The following CYFIP1 variants were observed in gnomAD, a reference collection of about 807,000 sequenced individuals.
CYFIP1 encodes the protein cytoplasmic FMR1 interacting protein 1, also known as cytoplasmic FMR1-interacting protein 1.
CYFIP1 carries 58 observed loss-of-function variants against 163.5 expected under a neutral mutation model. The observed-to-expected ratio is 0.35, with a 90% CI of 0.29 to 0.44. The LOEUF (loss-of-function observed/expected upper bound fraction) is 0.44, where lower values mean the gene tolerates loss of function less well. Ranked by LOEUF, CYFIP1 falls within the 20% of genes least tolerant of loss-of-function variation. CYFIP1 has a pLI of 1.00. For synonymous variants in CYFIP1, 663 were observed against 660.7 expected, an observed-to-expected ratio of 1.00 and a Z score of -0.05; for missense variants, 1,338 against 1,653.8, an observed-to-expected ratio of 0.81 and a Z score of 3.31.
At chr15:22,882,443 G>A (rs552710529) in intron 24 of CYFIP1, among the ~76,000 whole-genome samples, 14 of 152,332 alleles carry the variant, frequency 9.2e-5, no homozygotes, top group African/African-American at 3.4e-4. Context: ...CTCTTACATG[G>A]TCTCAAGTCA....
At chr15:22,873,439 C>T (rs1386176476) in intron 29 of CYFIP1, 52 bp downstream of exon 29, 5 of 1,492,734 alleles carry the variant, frequency 3.3e-6, no homozygotes, top group South Asian at 1.2e-5. Context: ...TCCCCTCCCC[C>T]ACAGCTCCTC....
At chr15:22,941,675 G>A (rs1036026332) in intron 6 of CYFIP1, among the ~76,000 whole-genome samples, 1 of 152,004 alleles carries the variant, frequency 6.6e-6, no homozygotes, top group Admixed American at 6.6e-5. Context: ...CCCACTCTTT[G>A]GTGCTCAGGG....
chr15:22,903,075 T>C (rs1321187352), intron 22 of CYFIP1, among the ~76,000 whole-genome samples: 5 of 152,196 alleles, frequency 3.3e-5, no homozygotes, highest in African/African-American at 9.6e-5. Context: ...TACGTCTGGA[T>C]GGAGCTCAGT....
At chr15:22,894,561 A>T (rs1244160624) in intron 22 of CYFIP1, among the ~76,000 whole-genome samples, 1 of 151,566 alleles carries the variant, frequency 6.6e-6, no homozygotes, top group Non-Finnish European at 1.5e-5. Context: ...AAGTGCTGGG[A>T]TTACAGGCAT....
rs74003069 is a variant in CYFIP1, at chr15:22,925,970, G to A, written c.1359+12C>T. 28,239 of 1,611,908 alleles carry A rather than the reference G, an allele frequency of 0.018. 1,101 individuals carry two copies. The highest frequency in any genetic ancestry group is 0.15 in the African/African-American group (11,447 of 74,942). On this transcript the variant is annotated intron_variant, in intron 13 of 30. Transcript: ENST00000617928. ...GCGACATGAGGAAGAGCGAGCGGCCGAGCATCCTCACCTCCACTAGGGCAA... is the reference window on the plus strand; with the variant it reads ...GCGACATGAGGAAGAGCGAGCGGCCAAGCATCCTCACCTCCACTAGGGCAA...
intron 23 of CYFIP1, among the ~76,000 whole-genome samples, chr15:22,887,567 T>C (rs2059959191): frequency 6.6e-6 from 1 of 152,208 alleles, no homozygotes; most frequent in Admixed American, 6.5e-5. Flanking sequence ...TGGCTCAGGA[T>C]GACAGCTGTC....
rs573065630 is a variant in CYFIP1 at position 22,891,726 on chromosome 15, G to A, written c.2676+1164C>T. On this transcript the variant is annotated intron_variant, in intron 23 of 30. Transcript: ENST00000617928. ...CCGTTTCCCAGGTGCAAACACTTGC[G>A]CTCCTGCCAGGTCCAAGGCACTGCC... Among the ~76,000 whole-genome samples, 129 of 152,370 alleles carry A rather than the reference G, an allele frequency of 8.5e-4. 1 individual carries two copies. Among genetic ancestry groups the A allele is most frequent in the African/African-American group, 2.9e-3 (121 of 41,594 alleles).
intron 24 of CYFIP1, 114 bp downstream of exon 24, chr15:22,882,754 A>C: frequency 8.0e-7 from 1 of 1,252,584 alleles, no homozygotes; most frequent in Non-Finnish European, 1.1e-6. Flanking sequence ...TTTGAAGCCT[A>C]ATTGAACGAA....
intron 18 of CYFIP1, 34 bp downstream of exon 18, chr15:22,912,145 G>T: frequency 6.5e-7 from 1 of 1,528,490 alleles, no homozygotes; most frequent in Non-Finnish European, 9.0e-7. Context: ...TTAATTGAAG[G>T]AAATGAACAG....
chr15:22,980,258 G>C (rs1459001014), intron 1 of CYFIP1, 29 bp downstream of exon 1: 1 of 151,752 alleles, frequency 6.6e-6, no homozygotes, highest in Non-Finnish European at 1.5e-5. Context: ...GAGGCCGCAG[G>C]GCAGGCGCGG....
rs1223340564 is a variant in CYFIP1, at chr15:22,937,224, A to G, written c.796-16T>C. 1 of 1,466,026 alleles carries G rather than the reference A, an allele frequency of 6.8e-7. No homozygotes were observed. The highest frequency in any genetic ancestry group is 2.3e-5 in the East Asian group (1 of 44,104). The allele number at this position is 1,466,026 out of a possible 1,614,324, so 90.8% of individuals were successfully genotyped here. ...ATCCCATGACCTGAAAAGCCACAAA[A>G]TGAATGATGCGACAAAGCTCAGAAC... On this transcript the variant is annotated splice_polypyrimidine_tract_variant and intron_variant, in intron 8 of 30. Coordinates refer to ENST00000617928, the MANE Select transcript of CYFIP1 (RefSeq NM_014608.6).
At chr15:22,963,284 C>A (rs1196510875) in intron 1 of CYFIP1, among the ~76,000 whole-genome samples, 1 of 151,418 alleles carries the variant, frequency 6.6e-6, no homozygotes, top group Non-Finnish European at 1.5e-5. Context: ...GGCGGGCGAT[C>A]ACCTGAGGTC....
At chr15:22,925,054 G>A (rs914286887) in intron 13 of CYFIP1, among the ~76,000 whole-genome samples, 1 of 152,132 alleles carries the variant, frequency 6.6e-6, no homozygotes. Context: ...CACTGTTGTA[G>A]TGTTATTTTT....
In CYFIP1 at chr15:22,969,950, A is replaced by T. The variant is rs73426846; in HGVS notation, c.-7+10337T>A. Among the ~76,000 whole-genome samples, 268 of 152,316 alleles carry T rather than the reference A, an allele frequency of 1.8e-3. 1 individual carries two copies. In the Middle Eastern group the frequency reaches 0.02, roughly 12 times the overall value. ...AAAAGGTAGTCCCTCTGTGCCTCAT[A>T]ACACATGAAACTCTGGATGACATGA... On this transcript the variant is annotated intron_variant, in intron 1 of 30. Transcript: ENST00000617928.
intron 22 of CYFIP1, among the ~76,000 whole-genome samples, chr15:22,898,402 T>C (rs1316907789): frequency 2.0e-5 from 3 of 152,106 alleles, no homozygotes; most frequent in Admixed American, 1.3e-4. Context: ...GGACTACAGA[T>C]GTGTGCCACC....
In CYFIP1 at chr15:22,867,718, T is replaced by TGAA. The variant is rs1304151993; in HGVS notation, c.*2307_*2309dup. 3.9e-5 allele frequency: 6 copies of TGAA among 152,158 alleles called. No homozygotes were observed. Among genetic ancestry groups the TGAA allele is most frequent in the African/African-American group, 7.2e-5 (3 of 41,418 alleles). 9.4% of individuals were successfully genotyped at this position (152,158 alleles called of 1,614,324 possible). A position where few individuals can be genotyped will look rare whatever the true frequency, so the allele number is the denominator to read the frequency against. On this transcript the variant is annotated 3_prime_UTR_variant, in exon 31 of 31. Transcript: ENST00000617928. ...CTCATGTTATAATAAAAAGTTGAAA[T>TGAA]GAAGTTCTTATTCTAAAAGTCTGAA...
rs772060380 is a variant in CYFIP1, at chr15:22,943,164, G to C, written c.569+9C>G. The C allele has an allele frequency of 1.2e-6, 2 of 1,613,442 alleles. No individual in the cohort carries two copies. The highest frequency in any genetic ancestry group is 4.5e-5 in the East Asian group (2 of 44,870). On this transcript the variant is annotated intron_variant, in intron 6 of 30. Coordinates refer to ENST00000617928, the MANE Select transcript of CYFIP1 (RefSeq NM_014608.6). ...GGGAGGGCCCGCAGTGCGCGAGGTG[G>C]GTGCTCACCTCTTGTACGCTGAGTG...
Position 22,939,203 on chromosome 15 carries a change from T to G in CYFIP1, c.784A>C (p.Met262Leu). ...RMYLTPSEKH[M>L]LLKVMGFGLY... is the part of the protein sequence containing the mutation. ...CCCCACACACGTACTTTGAGAAGCATGTGTTTCTCACTGGGCGTCAAATAC... is the reference window on the plus strand; with the variant it reads ...CCCCACACACGTACTTTGAGAAGCAGGTGTTTCTCACTGGGCGTCAAATAC... Residue 262 changes from methionine to leucine, a missense_variant, in exon 8 of 31, where the codon ATG becomes CTG. This residue lies in a region of CYFIP1 where 824 missense variants were observed against 995.7 expected (regional missense o/e 0.83). Coordinates refer to ENST00000617928, the MANE Select transcript of CYFIP1 (RefSeq NM_014608.6). 1.2e-6 allele frequency: 2 copies of G among 1,614,162 alleles called. No homozygotes were observed. The highest frequency in any genetic ancestry group is 1.1e-5 in the South Asian group (1 of 91,078).
At chr15:22,894,273 CTT>C (rs2060162526) in intron 22 of CYFIP1, among the ~76,000 whole-genome samples, 1 of 127,326 alleles carries the variant, frequency 7.9e-6, no homozygotes, top group Non-Finnish European at 1.6e-5. Flanking sequence ...TTACAGCAGA[CTT>C]TTCTTTTTTT....
Sources: allele counts gnomAD v4.1 joint callset (sites outside exome capture counted in the v4.1 genomes callset), GRCh38; gene constraint gnomAD v4.1.1; regional missense constraint gnomAD v4.1.1; transcripts MANE v1.5; gene names NCBI Gene and HGNC (gene_info 2026-07-23, HGNC 2026-07-21).